SYT1: variants seen among roughly 807,000 people sequenced by gnomAD.
The protein encoded by SYT1 is synaptotagmin-1.
In SYT1, 8 loss-of-function variants were observed where a neutral mutation model predicts 44.8. The observed-to-expected ratio is 0.18, with a 90% CI of 0.10 to 0.32. The LOEUF is 0.32. Ranked by LOEUF, SYT1 falls within the 10% of genes least tolerant of loss-of-function variation. SYT1 has a pLI of 1.00. For missense variants in SYT1, 286 were observed against 509.3 expected (o/e 0.56, Z 4.22); for synonymous variants, 154 against 188.8 (o/e 0.82, Z 1.51).
chr12:79,037,278 C>T (rs894704603), intron 2 of SYT1, among the ~76,000 whole-genome samples: 7 of 151,536 alleles, frequency 4.6e-5, no homozygotes, highest in African/African-American at 1.5e-4. Context: ...TAATTAATTC[C>T]CATCCTTTTT....
At chr12:79,191,350 A>G (rs1690777140) in intron 3 of SYT1, among the ~76,000 whole-genome samples, 1 of 152,108 alleles carries the variant, frequency 6.6e-6, no homozygotes, top group Admixed American at 6.6e-5. Flanking sequence ...CATTAAGTTT[A>G]ACTTACCAAG....
At chr12:79,234,039 C>T (rs545588396) in intron 4 of SYT1, among the ~76,000 whole-genome samples, 8 of 152,224 alleles carry the variant, frequency 5.3e-5, no homozygotes, top group African/African-American at 1.9e-4. Flanking sequence ...TTGAAAATCT[C>T]GTCTCCCTTG....
At chr12:79,428,467 A>G (rs938967508) in intron 9 of SYT1, among the ~76,000 whole-genome samples, 1 of 152,212 alleles carries the variant, frequency 6.6e-6, no homozygotes, top group Non-Finnish European at 1.5e-5. Context: ...TTCCCCAAGC[A>G]TGCACCATCT....
At chr12:79,139,442 T>C (rs17005272) in intron 3 of SYT1, among the ~76,000 whole-genome samples, 2,922 of 152,294 alleles carry the variant, frequency 0.019, 93 homozygotes, top group African/African-American at 0.067. Context: ...GTTTCTGTAA[T>C]AGTTTTAGGA....
chr12:79,156,771 C>A (rs1014960611), intron 3 of SYT1, among the ~76,000 whole-genome samples: 2 of 152,022 alleles, frequency 1.3e-5, no homozygotes, highest in African/African-American at 4.8e-5. Flanking sequence ...CTGGCCTGTT[C>A]AGTTAATTTT....
chr12:79,228,035 ATTTT>A (rs34646036), intron 4 of SYT1, among the ~76,000 whole-genome samples: 1 of 140,502 alleles, frequency 7.1e-6, no homozygotes. Flanking sequence ...CCTCTCCTCC[ATTTT>A]TTTTTTTTTT....
chr12:79,024,444 T>C (rs933145739), intron 2 of SYT1, among the ~76,000 whole-genome samples: 1 of 151,820 alleles, frequency 6.6e-6, no homozygotes, highest in East Asian at 1.9e-4. Flanking sequence ...TGACAGTATG[T>C]TAATATAATG....
intron 9 of SYT1, among the ~76,000 whole-genome samples, chr12:79,417,215 T>C (rs1298079967): frequency 6.6e-6 from 1 of 152,194 alleles, no homozygotes; most frequent in Non-Finnish European, 1.5e-5. Flanking sequence ...TTATTTAGGA[T>C]TTGGTGATTG....
intron 2 of SYT1, among the ~76,000 whole-genome samples, chr12:79,006,133 T>C (rs925159250): frequency 6.6e-6 from 1 of 152,168 alleles, no homozygotes; most frequent in Non-Finnish European, 1.5e-5. Flanking sequence ...AATCTTGAAA[T>C]TGACTAAAAA....
chr12:78,992,566 G>C (rs923214026), intron 2 of SYT1, among the ~76,000 whole-genome samples: 10 of 152,196 alleles, frequency 6.6e-5, no homozygotes, highest in African/African-American at 2.4e-4. Context: ...AAATTGTGCT[G>C]TAAAATGTAT....
At chr12:79,170,942 A>G (rs994490705) in intron 3 of SYT1, among the ~76,000 whole-genome samples, 4 of 152,112 alleles carry the variant, frequency 2.6e-5, no homozygotes, top group African/African-American at 4.8e-5. Flanking sequence ...CATTGATTGA[A>G]TAGGGAGTCC....
chr12:78,876,874 A>ATATGTATTATATATAATATATAT (rs1874179788), intron 1 of SYT1, among the ~76,000 whole-genome samples: 1 of 22,594 alleles, frequency 4.4e-5, no homozygotes, highest in Non-Finnish European at 1.1e-4. Context: ...ATAATATATT[A>ATATGTATTATATATAATATATAT]TATGTATTAT....
chr12:78,905,118 C>A (rs1319729747), intron 1 of SYT1, among the ~76,000 whole-genome samples: 1 of 152,074 alleles, frequency 6.6e-6, no homozygotes, highest in Non-Finnish European at 1.5e-5. Context: ...ATTTTTTGTT[C>A]CAGGACCATT....
intron 3 of SYT1, among the ~76,000 whole-genome samples, chr12:79,138,643 TTGTG>T (rs544735626): frequency 3.3e-5 from 5 of 152,252 alleles, no homozygotes; most frequent in African/African-American, 1.2e-4. Context: ...TACATATTAT[TTGTG>T]TGTGTGTGCA....
intron 9 of SYT1, among the ~76,000 whole-genome samples, chr12:79,442,994 A>T (rs1443343996): frequency 6.6e-6 from 1 of 152,170 alleles, no homozygotes; most frequent in African/African-American, 2.4e-5. Flanking sequence ...AAAACAGTAG[A>T]GATTTTCCTT....
At chr12:79,109,366 C>T (rs1310945097) in intron 3 of SYT1, among the ~76,000 whole-genome samples, 1 of 152,180 alleles carries the variant, frequency 6.6e-6, no homozygotes, top group East Asian at 1.9e-4. Context: ...CTGCTTTCAC[C>T]ATTTTGTAGA....
chr12:79,010,733 C>T (rs1370258060), intron 2 of SYT1, among the ~76,000 whole-genome samples: 1 of 152,174 alleles, frequency 6.6e-6, no homozygotes, highest in Non-Finnish European at 1.5e-5. Flanking sequence ...GTTTTCAAGT[C>T]ATCCCTATGG....
chr12:79,095,827 T>G (rs1396257759), intron 3 of SYT1, among the ~76,000 whole-genome samples: 2 of 151,934 alleles, frequency 1.3e-5, no homozygotes, highest in African/African-American at 4.8e-5. Flanking sequence ...CTTCTGAAGA[T>G]TCAATAATTT....
chr12:79,411,571 A>G (rs914408967), intron 9 of SYT1, among the ~76,000 whole-genome samples: 11 of 152,198 alleles, frequency 7.2e-5, no homozygotes, highest in African/African-American at 2.4e-4. Context: ...ATTTATTTAT[A>G]TAAATCAAAC....
Sources: gnomAD v4.1 joint callset for allele counts (sites outside exome capture counted in the v4.1 genomes callset) on GRCh38, gnomAD v4.1.1 for gene constraint, MANE v1.5 for transcripts, NCBI Gene and HGNC (gene_info 2026-07-23, HGNC 2026-07-21) for gene names.